The following FGA variants were observed in gnomAD, a reference collection of about 807,000 sequenced individuals.
The protein encoded by FGA is fibrinogen alpha chain, also known as fibrinogen, A alpha polypeptide.
In FGA, 20 loss-of-function variants were observed where a neutral mutation model predicts 20.3. That is an observed-to-expected ratio of 0.99 (90% CI 0.69 to 1.43). The LOEUF (loss-of-function observed/expected upper bound fraction) is 1.43. FGA is among the 40% of genes most tolerant of loss of function. The pLI is 0.00. For missense variants in FGA, 777 were observed against 784.7 expected (o/e 0.99, Z 0.12); for synonymous variants, 306 against 281.6 (o/e 1.09, Z -0.87).
chr4:154,586,392 T>G lies in FGA; in HGVS notation c.1037A>C (p.Asn346Thr), dbSNP rs1488254920. The change falls in exon 5 of 5, where the codon AAC becomes ACC. Residue 346 changes from asparagine to threonine, a missense_variant. By Grantham distance (65) the Asn-to-Thr change is moderately conservative. Coordinates refer to ENST00000403106, the MANE Select transcript of FGA (RefSeq NM_021871.4). Reference protein sequence around the residue: ...SGSSGTGSTGNQNPGSPRPGS... With the variant: ...SGSSGTGSTGTQNPGSPRPGS... The stretch of plus-strand genomic sequence containing the variant: ...AGGTCTAGGGCTCCCAGGGTTTTGG[T>G]TTCCAGTACTTCCAGTTCCAGAGCT... The G allele has an allele frequency of 6.2e-7, 1 of 1,613,948 alleles. No individual in the cohort carries two copies. The highest frequency in any genetic ancestry group is 1.3e-5 in the African/African-American group (1 of 74,890).
Position 154,587,533 on chromosome 4 carries a change from C to A in FGA, c.489G>T (p.Leu163Phe). ...QLLQKNVRAQ[L>F]VDMKRLEVDI... is the part of the protein sequence containing the mutation. ...TTACCTCCAGTCGTTTCATATCAAC[C>A]AACTGAGCTCTAACATTTTTCTGCA... The change falls in exon 4 of 5, where the codon TTG becomes TTT. Residue 163 changes from leucine to phenylalanine, a missense_variant. By Grantham distance (22) the Leu-to-Phe change is conservative. Transcript: ENST00000403106. 1 of 1,613,932 alleles carries A rather than the reference C, an allele frequency of 6.2e-7. No individual in the cohort carries two copies. The highest frequency in any genetic ancestry group is 8.5e-7 in the Non-Finnish European group (1 of 1,179,960).
chr4:154,584,425 A>T (rs769039996), downstream of FGA: 1 of 1,614,124 alleles, frequency 6.2e-7, no homozygotes, highest in African/African-American at 1.3e-5. Context: ...GGAACCCTCA[A>T]TCAGAGCATC....
At chr4:154,588,239 G>A (rs1421939959) in intron 3 of FGA, among the ~76,000 whole-genome samples, 1 of 152,190 alleles carries the variant, frequency 6.6e-6, no homozygotes, top group East Asian at 1.9e-4. Context: ...GTGTAAAAAG[G>A]CAAAGCAAAA....
chr4:154,587,504 A>C lies in FGA; in HGVS notation c.510+8T>G. 6.2e-7 allele frequency: 1 copy of C among 1,613,744 alleles called. No individual in the cohort carries two copies. The highest frequency in any genetic ancestry group is 8.5e-7 in the Non-Finnish European group (1 of 1,179,760). ...CAAGGACATCTGGGACCACAGCCAC[A>C]TACTTACCTCCAGTCGTTTCATATC... On this transcript the variant is annotated splice_region_variant and intron_variant, in intron 4 of 4. Transcript: ENST00000403106.
chr4:154,587,805 G>GAAAGAA (rs1560826874), intron 3 of FGA, 148 bp from the exon 4 acceptor site: 13 of 518,236 alleles, frequency 2.5e-5, no homozygotes, highest in Non-Finnish European at 4.0e-5. Context: ...GAAAGAAAGA[G>GAAAGAA]AAAAAAGAAA....
Position 154,590,719 on chromosome 4 carries a change from G to A in FGA, c.-32C>T, listed in dbSNP as rs1730848801. Reference sequence around the variant, plus strand: ...TAAGGGTGGGGCTGGCTCCTGAGGAGCACTCCAGCTGAAAGAAAGGATTGC... The same window carrying A: ...TAAGGGTGGGGCTGGCTCCTGAGGAACACTCCAGCTGAAAGAAAGGATTGC... On this transcript the variant is annotated 5_prime_UTR_variant, in exon 1 of 5. Transcript: ENST00000403106. 1.3e-6 allele frequency: 2 copies of A among 1,512,934 alleles called. No homozygotes were observed. The highest frequency in any genetic ancestry group is 2.0e-5 in the Admixed American group (1 of 50,962). The allele number at this position is 1,512,934 out of a possible 1,614,324, so 93.7% of individuals were successfully genotyped here.
chr4:154,585,494 C>A lies in FGA; in HGVS notation c.1935G>T (p.Ter645TyrextTer57). ...ACTGTGCAGAAATATTTAACTTAGTCTAGGGGGACAGGGAAGGCTTCCCCA... is the reference window on the plus strand; with the variant it reads ...ACTGTGCAGAAATATTTAACTTAGTATAGGGGGACAGGGAAGGCTTCCCCA... ...SPLGKPSLSP[*>Y] Residue 645 changes from the stop codon to tyrosine, a stop_lost, in exon 5 of 5, where the codon TAG (stop) becomes TAT (tyrosine). Coordinates refer to ENST00000403106, the MANE Select transcript of FGA (RefSeq NM_021871.4). The A allele has an allele frequency of 6.4e-7, 1 of 1,564,880 alleles. No homozygotes were observed. The highest frequency in any genetic ancestry group is 1.1e-5 in the South Asian group (1 of 90,008).
chr4:154,585,173 T>C (rs1578794338), downstream of FGA: 2 of 1,162,280 alleles, frequency 1.7e-6, no homozygotes, highest in East Asian at 7.1e-5. Context: ...CTGAGACACA[T>C]ACTAAAAATG....
downstream of FGA, chr4:154,583,169 T>C (rs1373305696): frequency 6.6e-6 from 1 of 152,088 alleles, no homozygotes; most frequent in Non-Finnish European, 1.5e-5. Context: ...AAATGACAAA[T>C]ATATCTTAAT....
downstream of FGA, chr4:154,584,435 C>G (rs748208594): frequency 1.9e-6 from 3 of 1,614,166 alleles, no homozygotes; most frequent in Admixed American, 5.0e-5. Flanking sequence ...ATCAGAGCAT[C>G]ACCCGCAGTG....
intron 3 of FGA, 95 bp downstream of exon 3, chr4:154,588,698 G>T: frequency 1.1e-6 from 1 of 925,952 alleles, no homozygotes; most frequent in Non-Finnish European, 1.8e-6. Context: ...AGTACTTTGG[G>T]ATGAAATTGT....
chr4:154,587,756 AAAG>A, intron 3 of FGA, 99 bp from the exon 4 acceptor site: 1 of 501,038 alleles, frequency 2.0e-6, no homozygotes, highest in Non-Finnish European at 3.5e-6. Context: ...AGAAAGAAAG[AAAG>A]AAAGAAAGAA....
downstream of FGA, chr4:154,584,615 C>T (rs1339080121): frequency 2.5e-6 from 4 of 1,614,164 alleles, no homozygotes; most frequent in South Asian, 4.4e-5. Context: ...AATTCTCCTT[C>T]CCCCTCGTCA....
At position 154,588,912 on chromosome 4, in the gene FGA, G is replaced by A. The variant is rs1370908282; in HGVS notation, c.245C>T (p.Thr82Ile). The A allele has an allele frequency of 6.2e-7, 1 of 1,613,090 alleles. No individual in the cohort carries two copies. Among genetic ancestry groups the A allele is most frequent in the Admixed American group, 1.7e-5 (1 of 59,988 alleles). ...ATTTTTGAGCTTATTTATTCTGTTT[G>A]TAAAATCTTGATTGACTTCATCAAT... ...GLIDEVNQDF[T>I]NRINKLKNSL... Residue 82 changes from threonine to isoleucine, a missense_variant, in exon 3 of 5, where the codon ACA becomes ATA. Thr to Ile is a moderately conservative substitution (Grantham distance 89). Transcript: ENST00000403106.
chr4:154,585,953 G>A lies in FGA; in HGVS notation c.1476C>T (p.Pro492=), dbSNP rs770708951. The change falls in exon 5 of 5, where the codon CCC becomes CCT. Residue 492 remains proline (P), a synonymous_variant. Transcript: ENST00000403106. ...VVTSEDGSDC[P]EAMDLGTLSG... is the part of the protein sequence containing the mutation. Reference sequence around the variant, plus strand: ...ACAATGTGCCTAAATCCATTGCCTCGGGACAGTCAGAACCATCTTCGGAGG... The same window carrying A: ...ACAATGTGCCTAAATCCATTGCCTCAGGACAGTCAGAACCATCTTCGGAGG... The A allele has an allele frequency of 8.1e-6, 13 of 1,613,992 alleles. No individual in the cohort carries two copies. The Admixed American group carries it at 1.2e-4, about 14-fold the overall frequency.
chr4:154,587,003 C>T lies in FGA; in HGVS notation c.511-85G>A. The T allele has an allele frequency of 1.4e-6, 2 of 1,383,526 alleles. 1 individual carries two copies. The highest frequency in any genetic ancestry group is 2.0e-6 in the Non-Finnish European group (2 of 996,596). The allele number at this position is 1,383,526 out of a possible 1,614,324, so 85.7% of individuals were successfully genotyped here. A position where few individuals can be genotyped will look rare whatever the true frequency, so the allele number is the denominator to read the frequency against. On this transcript the variant is annotated intron_variant, in intron 4 of 4. Transcript: ENST00000403106. ...ATTGAGTTCCTGGTAGTTAATTTTC[C>T]TTCTGGAAACTGGTTTCATTTTTTT...
chr4:154,585,410 T>C lies in FGA; in HGVS notation c.*84A>G. On this transcript the variant is annotated 3_prime_UTR_variant, in exon 5 of 5. Transcript: ENST00000403106. The stretch of plus-strand genomic sequence containing the variant: ...CTAGCACAAAAACAGACCAAAAAAG[T>C]GTAGTTTCAATGACGTGTAACAGAG... The C allele has an allele frequency of 8.7e-7, 1 of 1,148,616 alleles. No homozygotes were observed. Among genetic ancestry groups the C allele is most frequent in the Non-Finnish European group, 1.3e-6 (1 of 792,676 alleles). 71.2% of individuals were successfully genotyped at this position (1,148,616 alleles called of 1,614,324 possible). A position where few individuals can be genotyped will look rare whatever the true frequency, so the allele number is the denominator to read the frequency against.
intron 4 of FGA, 27 bp from the exon 5 acceptor site, chr4:154,586,945 G>A: frequency 6.2e-7 from 1 of 1,604,936 alleles, no homozygotes; most frequent in Non-Finnish European, 8.5e-7. Context: ...AAAATAAAGA[G>A]AAAATGTAGA....
rs750394034 is a variant in FGA, at chr4:154,588,795, T to C, written c.362A>G (p.Asn121Ser). 3.7e-6 allele frequency: 6 copies of C among 1,603,522 alleles called. No homozygotes were observed. Among genetic ancestry groups the C allele is most frequent in the African/African-American group, 1.3e-5 (1 of 74,690 alleles). ...EILRGDFSSA[N>S]NRDNTYNRVS... is the part of the protein sequence containing the mutation. Reference sequence around the variant, plus strand: ...AGCAGTAAATATGTAATACTTACTATTGGCTGAGGAAAAATCGCCTCTCAA... The same window carrying C: ...AGCAGTAAATATGTAATACTTACTACTGGCTGAGGAAAAATCGCCTCTCAA... Residue 121 changes from asparagine (N) to serine (S), a missense_variant and splice_region_variant, in exon 3 of 5, where the codon AAT becomes AGT. By Grantham distance (46) the Asn-to-Ser change is conservative. Coordinates refer to ENST00000403106, the MANE Select transcript of FGA (RefSeq NM_021871.4).
Sources: gnomAD v4.1 joint callset for allele counts (sites outside exome capture counted in the v4.1 genomes callset) on GRCh38, gnomAD v4.1.1 for gene constraint, MANE v1.5 for transcripts, NCBI Gene and HGNC (gene_info 2026-07-23, HGNC 2026-07-21) for gene names.